Variants in GPA33 observed in about 807,000 individuals in gnomAD.
GPA33 encodes cell surface A33 antigen.
In GPA33, 27 loss-of-function variants were observed where a neutral mutation model predicts 35.6. The ratio of observed to expected loss-of-function variants is 0.76; its 90% CI spans 0.56 to 1.04. GPA33 has a LOEUF of 1.04. GPA33 is among the 50% of genes least tolerant of loss of function. GPA33 has a pLI of 0.00. For missense variants in GPA33, 428 were observed against 411.9 expected, an observed-to-expected ratio of 1.04 and a Z score of -0.34; for synonymous variants, 176 against 164.0, an observed-to-expected ratio of 1.07 and a Z score of -0.56.
In GPA33 at chr1:167,054,303, C is replaced by A. The variant is rs1666182108; in HGVS notation, c.*31G>T. ...GGAAGCGGGAGAATGAACCCCTAACCCTTCCTCCGCCGCCCTCTGCTGCTG... is the reference window on the plus strand; with the variant it reads ...GGAAGCGGGAGAATGAACCCCTAACACTTCCTCCGCCGCCCTCTGCTGCTG... On this transcript the variant is annotated 3_prime_UTR_variant, in exon 7 of 7. Coordinates refer to ENST00000367868, the MANE Select transcript of GPA33 (RefSeq NM_005814.3). The A allele has an allele frequency of 6.2e-7, 1 of 1,613,122 alleles. No homozygotes were observed. The highest frequency in any genetic ancestry group is 8.5e-7 in the Non-Finnish European group (1 of 1,179,706).
chr1:167,068,838 C>G, intron 3 of GPA33, 84 bp downstream of exon 3: 1 of 994,674 alleles, frequency 1.0e-6, no homozygotes. Flanking sequence ...CCTCTGGCTT[C>G]GTCTCAACAC....
chr1:167,090,144 G>A (rs943119091), intron 1 of GPA33, 101 bp downstream of exon 1: 1 of 862,654 alleles, frequency 1.2e-6, no homozygotes, highest in African/African-American at 1.7e-5. Flanking sequence ...TGTGTTGCTG[G>A]AGGCCCTTCC....
intron 4 of GPA33, among the ~76,000 whole-genome samples, chr1:167,059,266 T>C (rs1438825976): frequency 6.6e-6 from 1 of 152,152 alleles, no homozygotes; most frequent in East Asian, 1.9e-4. Context: ...CCCCTTTTCC[T>C]TCGGAAAGGG....
At chr1:167,068,449 T>C (rs1666646063) in intron 3 of GPA33, among the ~76,000 whole-genome samples, 1 of 152,192 alleles carries the variant, frequency 6.6e-6, no homozygotes, top group South Asian at 2.1e-4. Flanking sequence ...ACCTGACTGA[T>C]GGAGTATCTG....
chr1:167,056,777 GCA>G (rs1414619782), intron 4 of GPA33, among the ~76,000 whole-genome samples: 3 of 29,596 alleles, frequency 1.0e-4, no homozygotes, highest in African/African-American at 3.9e-4. Flanking sequence ...GGTGTGTGTG[GCA>G]TGTGTAGTGT....
At chr1:167,071,831 C>T (rs553300480) in intron 2 of GPA33, among the ~76,000 whole-genome samples, 2 of 152,248 alleles carry the variant, frequency 1.3e-5, no homozygotes, top group South Asian at 4.1e-4. Flanking sequence ...TATTTAAATC[C>T]CTTTCTCTAT....
intron 1 of GPA33, among the ~76,000 whole-genome samples, chr1:167,090,008 G>A (rs779641827): frequency 6.6e-6 from 1 of 152,124 alleles, no homozygotes; most frequent in Non-Finnish European, 1.5e-5. Context: ...ATATGGTCTT[G>A]AGAGTACTTT....
chr1:167,062,642 C>CT (rs1571306971), intron 4 of GPA33, among the ~76,000 whole-genome samples: 2 of 69,934 alleles, frequency 2.9e-5, no homozygotes, highest in East Asian at 6.8e-4. Flanking sequence ...TTATATAGCT[C>CT]TTTCTTTTTT....
At chr1:167,059,472 G>A (rs34412761) in intron 4 of GPA33, among the ~76,000 whole-genome samples, 6,496 of 151,658 alleles carry the variant, frequency 0.043, 167 homozygotes, top group Non-Finnish European at 0.054. Context: ...TAACGTTTCC[G>A]CATCCCCCCA....
In GPA33 at chr1:167,055,037, T is replaced by C. The variant is rs762795168; in HGVS notation, c.766A>G (p.Ile256Val). Residue 256 changes from isoleucine to valine, a missense_variant, in exon 6 of 7, where the codon ATC becomes GTC. Coordinates refer to ENST00000367868, the MANE Select transcript of GPA33 (RefSeq NM_005814.3). ...VAALIIIGII[I>V]YCCCCRGKDD... ...TTCCCTCGGCAGCAGCAGCAGTAGA[T>C]GATGATGCCAATGATAATGAGGGCT... 3.7e-6 allele frequency: 6 copies of C among 1,613,826 alleles called. No individual in the cohort carries two copies. In the South Asian group the frequency reaches 6.6e-5, roughly 18 times the overall value.
chr1:167,057,353 A>C (rs1289126200), intron 4 of GPA33, among the ~76,000 whole-genome samples: 1 of 152,026 alleles, frequency 6.6e-6, no homozygotes, highest in Non-Finnish European at 1.5e-5. Context: ...TATAACTGCT[A>C]TTTTGAGAGG....
Position 167,054,357 on chromosome 1 carries a change from A to G in GPA33, c.937T>C (p.Ser313Pro). The change falls in exon 7 of 7, where the codon TCC becomes CCC. Residue 313 changes from serine (S) to proline (P), a missense_variant. By Grantham distance (74) the Ser-to-Pro change is moderately conservative. Coordinates refer to ENST00000367868, the MANE Select transcript of GPA33 (RefSeq NM_005814.3). Reference protein sequence around the residue: ...QEEQRSTGRESPDHLDQ With the variant: ...QEEQRSTGREPPDHLDQ ...TGTCACTGGTCGAGGTGGTCCGGGG[A>G]TTCACGCCCAGTGCTCCTCTGCTCT... 6.2e-7 allele frequency: 1 copy of G among 1,613,884 alleles called. No homozygotes were observed. Among genetic ancestry groups the G allele is most frequent in the Non-Finnish European group, 8.5e-7 (1 of 1,179,940 alleles).
intron 1 of GPA33, among the ~76,000 whole-genome samples, chr1:167,088,577 C>G (rs868385303): frequency 6.6e-6 from 1 of 152,140 alleles, no homozygotes; most frequent in Admixed American, 6.5e-5. Flanking sequence ...GCCCAAGACT[C>G]GTTCTGCTGG....
At chr1:167,077,467 G>T (rs570783245) in intron 1 of GPA33, among the ~76,000 whole-genome samples, 1 of 152,086 alleles carries the variant, frequency 6.6e-6, no homozygotes, top group East Asian at 1.9e-4. Flanking sequence ...CCACTCTTGG[G>T]CCTCTCCATG....
chr1:167,082,735 C>T (rs555003491), intron 1 of GPA33, among the ~76,000 whole-genome samples: 160 of 152,322 alleles, frequency 1.1e-3, no homozygotes, highest in African/African-American at 3.6e-3. Context: ...AACAGATATA[C>T]GTTTTATGCT....
intron 3 of GPA33, among the ~76,000 whole-genome samples, chr1:167,064,494 C>G (rs935978655): frequency 2.0e-5 from 3 of 152,156 alleles, no homozygotes; most frequent in Non-Finnish European, 1.5e-5. Flanking sequence ...GGAAAATCCT[C>G]ACTTCCCCTC....
Position 167,069,119 on chromosome 1 carries a change from G to T in GPA33, c.218C>A (p.Pro73Gln), listed in dbSNP as rs147059507. 6.2e-7 allele frequency: 1 copy of T among 1,613,094 alleles called. No homozygotes were observed. Among genetic ancestry groups the T allele is most frequent in the South Asian group, 1.1e-5 (1 of 91,044 alleles). The change falls in exon 3 of 7, where the codon CCG becomes CAG. Residue 73 changes from proline to glutamine, a missense_variant. Physicochemically the swap from Pro to Gln is moderately conservative, Grantham distance 76. Transcript: ENST00000367868. ...ATGGATGTAGTTTTTGTTTGAAAAC[G>T]GCCAGATGACCACCCTTTCCTGGAG... ...LTHTERVVIW[P>Q]FSNKNYIHGE...
At position 167,054,975 on chromosome 1, in the gene GPA33, C is replaced by T. The variant is rs150875349; in HGVS notation, c.827+1G>A. On this transcript the variant is annotated splice_donor_variant, in intron 6 of 6. Transcript: ENST00000367868. LOFTEE classifies it high-confidence loss of function. ...AACAGGCTACCAGCCCAGACACTCA[C>T]GGCCTTGCATCCTCCTTGTCTTCAG... 2.5e-5 allele frequency: 41 copies of T among 1,613,912 alleles called. No individual in the cohort carries two copies. The highest frequency in any genetic ancestry group is 4.5e-5 in the East Asian group (2 of 44,888).
intron 3 of GPA33, among the ~76,000 whole-genome samples, chr1:167,064,793 G>T (rs1451693189): frequency 6.6e-6 from 1 of 152,038 alleles, no homozygotes; most frequent in East Asian, 1.9e-4. Context: ...ACGTGCAGTT[G>T]CCATAAGCAC....
Sources: gnomAD v4.1 joint callset for allele counts (sites outside exome capture counted in the v4.1 genomes callset) on GRCh38, gnomAD v4.1.1 for gene constraint, MANE v1.5 for transcripts, NCBI Gene and HGNC (gene_info 2026-07-23, HGNC 2026-07-21) for gene names.